PARD3B: variants seen among roughly 807,000 people sequenced by gnomAD.
PARD3B encodes partitioning defective 3 homolog B.
PARD3B carries 103 observed loss-of-function variants against 130.2 expected under a neutral mutation model. That is an observed-to-expected ratio of 0.79 (90% CI 0.67 to 0.93). The LOEUF is 0.93. Ranked by LOEUF, PARD3B falls within the 40% of genes least tolerant of loss-of-function variation. The pLI is 0.00. For missense variants in PARD3B, 1,609 were observed against 1,499.2 expected (o/e 1.07, Z -1.21); for synonymous variants, 583 against 553.2 (o/e 1.05, Z -0.76).
At chr2:205,565,444 G>T (rs1341510804) in intron 22 of PARD3B, among the ~76,000 whole-genome samples, 1 of 152,070 alleles carries the variant, frequency 6.6e-6, no homozygotes, top group Admixed American at 6.6e-5. Context: ...ATCAAAATCA[G>T]GTCCATATAT....
intron 15 of PARD3B, among the ~76,000 whole-genome samples, chr2:205,221,586 A>T (rs151177384): frequency 6.6e-6 from 1 of 152,108 alleles, no homozygotes; most frequent in Non-Finnish European, 1.5e-5. Flanking sequence ...ATCCTACACT[A>T]CTTTTTCCCT....
At chr2:205,587,467 A>G (rs544329120) in intron 22 of PARD3B, among the ~76,000 whole-genome samples, 1 of 152,310 alleles carries the variant, frequency 6.6e-6, no homozygotes, top group South Asian at 2.1e-4. Flanking sequence ...AATGTTCTCA[A>G]TAATAATACC....
At chr2:204,929,589 G>A (rs1687877420) in intron 2 of PARD3B, among the ~76,000 whole-genome samples, 1 of 151,870 alleles carries the variant, frequency 6.6e-6, no homozygotes, top group African/African-American at 2.4e-5. Flanking sequence ...GGGCAGCAAT[G>A]TTTGAAGAAG....
At chr2:205,608,409 G>T (rs2055098302) in intron 22 of PARD3B, among the ~76,000 whole-genome samples, 1 of 152,196 alleles carries the variant, frequency 6.6e-6, no homozygotes, top group Admixed American at 6.5e-5. Flanking sequence ...AGGATGATTT[G>T]TTCCTTTGGT....
At position 205,280,189 on chromosome 2, in the gene PARD3B, AAC is replaced by A; in HGVS notation, c.2186-20339_2186-20338del. Among the ~76,000 whole-genome samples the A allele has an allele frequency of 6.6e-6, 1 of 152,216 alleles. No homozygotes were observed. The highest frequency in any genetic ancestry group is 1.5e-5 in the Non-Finnish European group (1 of 68,032). On this transcript the variant is annotated intron_variant, in intron 16 of 22. Coordinates refer to ENST00000406610, the MANE Select transcript of PARD3B (RefSeq NM_001302769.2). The surrounding 1 kb of genome is among the most constrained non-coding windows in gnomAD (Gnocchi z 4.7). ...GAAAAAAATTGCTTTAGGACAAAAT[AAC>A]AGTCACTACTCCTTTTTCCCGTGCA...
At position 205,292,077 on chromosome 2, in the gene PARD3B, T is replaced by C. The variant is rs2041629866; in HGVS notation, c.2186-8453T>C. On this transcript the variant is annotated intron_variant, in intron 16 of 22. Coordinates refer to ENST00000406610, the MANE Select transcript of PARD3B (RefSeq NM_001302769.2). The surrounding 1 kb of genome is among the most constrained non-coding windows in gnomAD (Gnocchi z 5.3). The stretch of plus-strand genomic sequence containing the variant: ...CACCACTGGGTTCTATTCCTTGTGC[T>C]GTAGTGTCAAATTGCTTGGACACCC... 6.6e-6 allele frequency among the ~76,000 whole-genome samples: 1 copy of C among 152,174 alleles called. No individual in the cohort carries two copies. The highest frequency in any genetic ancestry group is 1.5e-5 in the Non-Finnish European group (1 of 68,026).
intron 2 of PARD3B, among the ~76,000 whole-genome samples, chr2:204,940,542 G>A: frequency 6.7e-6 from 1 of 150,352 alleles, no homozygotes. Context: ...CACTGTTCAT[G>A]TACATGAATA....
intron 4 of PARD3B, among the ~76,000 whole-genome samples, chr2:205,094,803 T>G (rs918915063): frequency 1.3e-5 from 2 of 152,198 alleles, no homozygotes; most frequent in African/African-American, 4.8e-5. Context: ...TTTGCATCAG[T>G]GTATATGGGA....
At position 205,341,858 on chromosome 2, in the gene PARD3B, T is replaced by C. The variant is rs917211444; in HGVS notation, c.2630+40157T>C. On this transcript the variant is annotated intron_variant, in intron 18 of 22. Coordinates refer to ENST00000406610, the MANE Select transcript of PARD3B (RefSeq NM_001302769.2). This position sits in a 1 kb window ranked among gnomAD's most constrained non-coding sequence, Gnocchi z 4.3. ...TATTACTCCTAAATATGTACAATTA[T>C]TACACATCAACTAAAAATAAAAGGA... Among the ~76,000 whole-genome samples, 3 of 152,116 alleles carry C rather than the reference T, an allele frequency of 2.0e-5. No individual in the cohort carries two copies. The highest frequency in any genetic ancestry group is 7.2e-5 in the African/African-American group (3 of 41,454).
chr2:205,147,104 C>G (rs2033421263), intron 10 of PARD3B, among the ~76,000 whole-genome samples: 1 of 152,126 alleles, frequency 6.6e-6, no homozygotes, highest in African/African-American at 2.4e-5. Flanking sequence ...CTACTTTTAA[C>G]AGAAAGAAGT....
At chr2:204,912,575 A>G (rs2047280695) in intron 2 of PARD3B, among the ~76,000 whole-genome samples, 1 of 152,094 alleles carries the variant, frequency 6.6e-6, no homozygotes, top group South Asian at 2.1e-4. Flanking sequence ...CATTTCAAGC[A>G]GATTTCTTTT....
chr2:204,920,573 G>T (rs1342286439), intron 2 of PARD3B, among the ~76,000 whole-genome samples: 1 of 152,094 alleles, frequency 6.6e-6, no homozygotes, highest in African/African-American at 2.4e-5. Context: ...TCACACCAAA[G>T]AATTATTGTA....
At chr2:205,454,607 G>A (rs771751807) in intron 20 of PARD3B, among the ~76,000 whole-genome samples, 10 of 152,038 alleles carry the variant, frequency 6.6e-5, no homozygotes, top group Non-Finnish European at 1.5e-4. Context: ...CCGTTACTCA[G>A]CCTCTCACTC....
chr2:205,159,387 C>T (rs2034374866), intron 11 of PARD3B, among the ~76,000 whole-genome samples: 1 of 152,152 alleles, frequency 6.6e-6, no homozygotes, highest in African/African-American at 2.4e-5. Context: ...GCCCAGAATG[C>T]ATATTTCCTT....
intron 8 of PARD3B, 60 bp from the exon 9 acceptor site, chr2:205,124,267 C>G: frequency 2.3e-6 from 3 of 1,295,910 alleles, no homozygotes; most frequent in Non-Finnish European, 3.1e-6. Context: ...TACTGTAAGA[C>G]TGAATATAAT....
intron 2 of PARD3B, among the ~76,000 whole-genome samples, chr2:204,708,240 C>T (rs1452485149): frequency 6.6e-6 from 1 of 152,080 alleles, no homozygotes; most frequent in Non-Finnish European, 1.5e-5. Context: ...AACTCCTAGC[C>T]TCCAGCGATC....
intron 2 of PARD3B, among the ~76,000 whole-genome samples, chr2:204,946,146 T>C (rs1433855122): frequency 1.3e-5 from 2 of 152,230 alleles, no homozygotes; most frequent in Non-Finnish European, 2.9e-5. Flanking sequence ...AATATTTATA[T>C]TGACTTGCAT....
At chr2:204,553,582 A>G in intron 1 of PARD3B, among the ~76,000 whole-genome samples, 1 of 104,858 alleles carries the variant, frequency 9.5e-6, no homozygotes, top group Middle Eastern at 4.3e-3. Context: ...ATGTATATAT[A>G]AGGCTATATA....
At chr2:205,326,429 A>C (rs545023904) in intron 18 of PARD3B, among the ~76,000 whole-genome samples, 4 of 152,266 alleles carry the variant, frequency 2.6e-5, no homozygotes, top group Non-Finnish European at 4.4e-5. Flanking sequence ...AACCCCAGAG[A>C]TGGGGTTAAT....
Sources: gnomAD v4.1 joint callset for allele counts (sites outside exome capture counted in the v4.1 genomes callset) on GRCh38, gnomAD v4.1.1 for gene constraint, Gnocchi (gnomAD v3.1) non-coding constraint, MANE v1.5 for transcripts, NCBI Gene and HGNC (gene_info 2026-07-23, HGNC 2026-07-21) for gene names.